PCDHA6: variants seen among roughly 807,000 people sequenced by gnomAD.
The protein encoded by PCDHA6 is protocadherin alpha-6.
PCDHA6 carries 55 observed loss-of-function variants against 60.3 expected under a neutral mutation model. The ratio of observed to expected loss-of-function variants is 0.91; its 90% CI spans 0.73 to 1.14. PCDHA6 has a LOEUF of 1.14. Ranked by LOEUF, PCDHA6 falls within the 50% of genes most tolerant of loss-of-function variation. The pLI is 0.00. For synonymous variants in PCDHA6, 652 were observed against 557.9 expected, an observed-to-expected ratio of 1.17 and a Z score of -2.38; for missense variants, 1,327 against 1,256.5, an observed-to-expected ratio of 1.06 and a Z score of -0.85.
At chr5:140,858,437 G>C (rs1343643925) in intron 1 of PCDHA6, 1 of 1,541,950 alleles carries the variant, frequency 6.5e-7, no homozygotes, top group South Asian at 1.2e-5. Context: ...CTCTAGGAAG[G>C]TGGGTTATTA....
chr5:140,885,044 T>G (rs187504984), intron 1 of PCDHA6, among the ~76,000 whole-genome samples: 1 of 152,360 alleles, frequency 6.6e-6, no homozygotes, highest in African/African-American at 2.4e-5. Context: ...TTTAGTTTAA[T>G]GTATACATAT....
In PCDHA6 at chr5:140,839,228, G is replaced by C. The variant is rs773394985; in HGVS notation, c.2394+8743G>C. ...ACCTTCAAAGATGTAACTGTAATCT[G>C]TTTTTATTGCTTTGCTTTTATGCTT... On this transcript the variant is annotated intron_variant, in intron 1 of 3. Coordinates refer to ENST00000529310, the MANE Select transcript of PCDHA6 (RefSeq NM_018909.4). Among the ~76,000 whole-genome samples the C allele has an allele frequency of 4.0e-5, 6 of 151,740 alleles. 1 individual carries two copies. Among genetic ancestry groups the C allele is most frequent in the Non-Finnish European group, 8.8e-5 (6 of 67,928 alleles).
chr5:140,835,419 A>T, intron 1 of PCDHA6: 1 of 1,613,974 alleles, frequency 6.2e-7, no homozygotes, highest in Non-Finnish European at 8.5e-7. Context: ...TGTAAATGAC[A>T]ATGCTCCACA....
At chr5:140,908,470 G>C (rs2073991280) in intron 1 of PCDHA6, among the ~76,000 whole-genome samples, 1 of 152,186 alleles carries the variant, frequency 6.6e-6, no homozygotes, top group Non-Finnish European at 1.5e-5. Flanking sequence ...AAAGCACCCA[G>C]TTCATGATAG....
At position 140,828,034 on chromosome 5, in the gene PCDHA6, A is replaced by T; in HGVS notation, c.-58A>T. The T allele has an allele frequency of 6.5e-7, 1 of 1,527,332 alleles. No homozygotes were observed. The highest frequency in any genetic ancestry group is 1.8e-4 in the Middle Eastern group (1 of 5,642). The allele number at this position is 1,527,332 out of a possible 1,614,324, so 94.6% of individuals were successfully genotyped here. Reference sequence around the variant, plus strand: ...TGGATTAATAAATTCCGGAACATACAGTATTTTATCTTTATGCGGAAGATC... The same window carrying T: ...TGGATTAATAAATTCCGGAACATACTGTATTTTATCTTTATGCGGAAGATC... On this transcript the variant is annotated 5_prime_UTR_variant, in exon 1 of 4. Transcript: ENST00000529310.
intron 1 of PCDHA6, chr5:140,870,643 G>C (rs782549928): frequency 6.2e-7 from 1 of 1,612,678 alleles, no homozygotes; most frequent in African/African-American, 1.3e-5. Flanking sequence ...CGCGGAGAGC[G>C]GCAAGGTGTA....
chr5:140,831,527 T>A (rs2150196038), intron 1 of PCDHA6, among the ~76,000 whole-genome samples: 12 of 148,212 alleles, frequency 8.1e-5, no homozygotes, highest in Non-Finnish European at 1.8e-4. Context: ...CACCTTTTTT[T>A]TTTTTTTTTT....
rs2150358233 is a variant in PCDHA6 at position 140,843,360 on chromosome 5, C to G, written c.2394+12875C>G. On this transcript the variant is annotated intron_variant, in intron 1 of 3. Coordinates refer to ENST00000529310, the MANE Select transcript of PCDHA6 (RefSeq NM_018909.4). Reference sequence around the variant, plus strand: ...AGCGGCCAGGCTCCAAAAGCGTCATCGAGGCAGTCGGCTGGCGTTTTGGGT... The same window carrying G: ...AGCGGCCAGGCTCCAAAAGCGTCATGGAGGCAGTCGGCTGGCGTTTTGGGT... 32 of 1,596,088 alleles carry G rather than the reference C, an allele frequency of 2.0e-5. 6 individuals carry two copies. Among genetic ancestry groups the G allele is most frequent in the Non-Finnish European group, 2.6e-5 (30 of 1,165,594 alleles).
intron 1 of PCDHA6, chr5:140,883,444 T>C: frequency 3.1e-6 from 5 of 1,614,170 alleles, no homozygotes; most frequent in Non-Finnish European, 4.2e-6. Context: ...TGACGCCGCA[T>C]GTCCCCTTCA....
At chr5:140,896,346 G>T (rs1466880160) in intron 1 of PCDHA6, among the ~76,000 whole-genome samples, 18 of 151,992 alleles carry the variant, frequency 1.2e-4, no homozygotes, top group Non-Finnish European at 2.5e-4. Flanking sequence ...TTATATTCCC[G>T]CCAGCAGTGT....
intron 1 of PCDHA6, chr5:140,928,707 C>T: frequency 6.2e-7 from 1 of 1,614,184 alleles, no homozygotes; most frequent in South Asian, 1.1e-5. Flanking sequence ...GGGCGTCTGA[C>T]TCTAGTCTCT....
At chr5:140,962,207 A>G (rs1364251526) in intron 1 of PCDHA6, among the ~76,000 whole-genome samples, 13 of 152,236 alleles carry the variant, frequency 8.5e-5, no homozygotes, top group Admixed American at 3.3e-4. Flanking sequence ...CTATCTCCTT[A>G]TTGATCTTGA....
chr5:140,979,514 C>G lies in PCDHA6; in HGVS notation c.2453+507C>G, dbSNP rs75440413. On this transcript the variant is annotated intron_variant, in intron 2 of 3. Transcript: ENST00000529310. Reference sequence around the variant, plus strand: ...ATTAGAGCCTCCTCATCTTTCCCATCTGTTGCTATCTTATTGTCATCAATG... The same window carrying G: ...ATTAGAGCCTCCTCATCTTTCCCATGTGTTGCTATCTTATTGTCATCAATG... 4.7e-4 allele frequency among the ~76,000 whole-genome samples: 71 copies of G among 152,274 alleles called. 1 individual carries two copies. In the East Asian group the frequency reaches 0.014, roughly 29 times the overall value.
At chr5:140,834,968 A>AT (rs1347218738) in intron 1 of PCDHA6, 9 of 1,508,864 alleles carry the variant, frequency 6.0e-6, no homozygotes, top group Non-Finnish European at 8.1e-6. Flanking sequence ...TTGGACTTGT[A>AT]TTACGGAAAC....
intron 1 of PCDHA6, chr5:140,857,033 A>C: frequency 1.3e-6 from 2 of 1,595,572 alleles, no homozygotes; most frequent in Non-Finnish European, 8.6e-7. Flanking sequence ...AAACCCACCT[A>C]TGGTTGGTCA....
intron 1 of PCDHA6, chr5:140,884,459 G>A (rs530412188): frequency 8.1e-6 from 13 of 1,613,636 alleles, no homozygotes; most frequent in Non-Finnish European, 1.0e-5. Flanking sequence ...CACCGAGGGC[G>A]CGTGCGCGCC....
intron 1 of PCDHA6, chr5:140,876,390 T>C (rs782772987): frequency 1.2e-6 from 2 of 1,613,902 alleles, no homozygotes; most frequent in African/African-American, 1.3e-5. Context: ...GAATTTATGG[T>C]GAACTGGATT....
chr5:140,849,616 T>C (rs2150442441), intron 1 of PCDHA6: 3 of 1,598,578 alleles, frequency 1.9e-6, no homozygotes, highest in African/African-American at 2.7e-5. Flanking sequence ...CTGATTAGTG[T>C]GATCGACCTA....
intron 1 of PCDHA6, chr5:140,868,465 T>A (rs1460620913): frequency 6.6e-6 from 1 of 152,416 alleles, no homozygotes; most frequent in Non-Finnish European, 1.5e-5. Context: ...AGAGCTGCTT[T>A]TATAAAACTT....
Sources: allele counts gnomAD v4.1 joint callset (sites outside exome capture counted in the v4.1 genomes callset), GRCh38; gene constraint gnomAD v4.1.1; transcripts MANE v1.5; gene names NCBI Gene and HGNC (gene_info 2026-07-23, HGNC 2026-07-21).